The following FHIT variants were observed in gnomAD, a reference collection of about 807,000 sequenced individuals.
The protein encoded by FHIT is bis(5'-adenosyl)-triphosphatase.
A neutral mutation model predicts 17.9 loss-of-function variants in FHIT; 19 were observed. That is an observed-to-expected ratio of 1.06 (90% CI 0.74 to 1.56). FHIT has a LOEUF of 1.56. Among genes scored for constraint, FHIT ranks in the 40% most tolerant of loss-of-function variants. The pLI is 0.00. For missense variants in FHIT, 248 were observed against 189.2 expected (o/e 1.31, Z -1.82); for synonymous variants, 81 against 69.7 (o/e 1.16, Z -0.81).
rs1559511994 is a variant in FHIT, at chr3:59,974,802, C to CG, written c.279+36568dup. Among the ~76,000 whole-genome samples the CG allele has an allele frequency of 2.0e-5, 3 of 152,110 alleles. No homozygotes were observed. The South Asian group carries it at 6.2e-4, about 32-fold the overall frequency. On this transcript the variant is annotated intron_variant, in intron 7 of 9. Coordinates refer to ENST00000492590, the MANE Select transcript of FHIT (RefSeq NM_002012.4). The stretch of plus-strand genomic sequence containing the variant: ...AAGCTACCTAATATTCTAAGGTTGT[C>CG]GGGGGAGATATGGAAATTGAGTCTA...
chr3:61,136,499 T>A (rs2036920163), intron 2 of FHIT, among the ~76,000 whole-genome samples: 1 of 152,156 alleles, frequency 6.6e-6, no homozygotes, highest in African/African-American at 2.4e-5. Flanking sequence ...AATGTGGCTA[T>A]GTTTTAGTCA....
intron 7 of FHIT, among the ~76,000 whole-genome samples, chr3:59,994,003 A>T (rs1233953014): frequency 6.6e-6 from 1 of 152,020 alleles, no homozygotes; most frequent in Non-Finnish European, 1.5e-5. Flanking sequence ...AACTCTTACT[A>T]TTCTCATAAC....
At chr3:60,441,038 C>G (rs532605079) in intron 5 of FHIT, among the ~76,000 whole-genome samples, 2 of 152,052 alleles carry the variant, frequency 1.3e-5, no homozygotes, top group African/African-American at 4.8e-5. Context: ...CATGTTCACC[C>G]CTTTTGTTTT....
intron 5 of FHIT, among the ~76,000 whole-genome samples, chr3:60,015,055 T>C (rs1192378889): frequency 6.6e-6 from 1 of 151,454 alleles, no homozygotes; most frequent in East Asian, 1.9e-4. Flanking sequence ...ATTTGTTTAG[T>C]TTTTAGATAC....
intron 8 of FHIT, among the ~76,000 whole-genome samples, chr3:59,886,640 C>CA (rs1575643992): frequency 6.6e-6 from 1 of 152,092 alleles, no homozygotes; most frequent in East Asian, 1.9e-4. Context: ...TGGGAACTAA[C>CA]AGAGTAGGGA....
intron 3 of FHIT, among the ~76,000 whole-genome samples, chr3:60,987,984 T>C (rs578146541): frequency 6.6e-6 from 1 of 152,232 alleles, no homozygotes; most frequent in Non-Finnish European, 1.5e-5. Context: ...ATCTTTACTA[T>C]GACGCTTATT....
chr3:60,109,155 T>C (rs1318602310), intron 5 of FHIT, among the ~76,000 whole-genome samples: 3 of 151,454 alleles, frequency 2.0e-5, no homozygotes, highest in African/African-American at 4.9e-5. Flanking sequence ...GAGAGAGAGA[T>C]TACAGTGATA....
chr3:60,737,490 A>C (rs1264815487), intron 4 of FHIT, among the ~76,000 whole-genome samples: 1 of 152,240 alleles, frequency 6.6e-6, no homozygotes, highest in Admixed American at 6.5e-5. Flanking sequence ...AAGATAGTCT[A>C]AACAGAAAGC....
chr3:60,294,309 T>C (rs1368546018), intron 5 of FHIT, among the ~76,000 whole-genome samples: 2 of 152,134 alleles, frequency 1.3e-5, no homozygotes, highest in African/African-American at 2.4e-5. Flanking sequence ...ATGCATTTGA[T>C]GCACTGAAAC....
chr3:60,430,306 G>T (rs925412478), intron 5 of FHIT, among the ~76,000 whole-genome samples: 3 of 151,992 alleles, frequency 2.0e-5, no homozygotes, highest in African/African-American at 7.3e-5. Context: ...CTAAAACACA[G>T]TAGCCATTTT....
chr3:61,183,894 T>C (rs1490952928), intron 2 of FHIT, among the ~76,000 whole-genome samples: 1 of 151,940 alleles, frequency 6.6e-6, no homozygotes, highest in Non-Finnish European at 1.5e-5. Context: ...TGGGCAACTG[T>C]TGTTCATAAA....
At chr3:59,931,958 T>G (rs1705993012) in intron 7 of FHIT, among the ~76,000 whole-genome samples, 1 of 143,078 alleles carries the variant, frequency 7.0e-6, no homozygotes, top group Non-Finnish European at 1.5e-5. Flanking sequence ...TTTTCAAAAA[T>G]TAAGATCTTT....
At chr3:60,936,247 G>GA (rs1373599034) in intron 3 of FHIT, among the ~76,000 whole-genome samples, 1 of 152,136 alleles carries the variant, frequency 6.6e-6, no homozygotes, top group Non-Finnish European at 1.5e-5. Flanking sequence ...TATTAACTAA[G>GA]AAAGAGCTCC....
At chr3:60,487,143 G>C (rs376575878) in intron 5 of FHIT, among the ~76,000 whole-genome samples, 2 of 152,236 alleles carry the variant, frequency 1.3e-5, no homozygotes, top group South Asian at 2.1e-4. Context: ...TGACTTGATC[G>C]CAAGAACCTG....
At chr3:60,015,189 T>C (rs1700296002) in intron 5 of FHIT, among the ~76,000 whole-genome samples, 1 of 152,138 alleles carries the variant, frequency 6.6e-6, no homozygotes, top group African/African-American at 2.4e-5. Context: ...CTGCAATTGC[T>C]AGTCTCACTA....
intron 5 of FHIT, among the ~76,000 whole-genome samples, chr3:60,040,738 G>A (rs144275103): frequency 4.7e-4 from 71 of 152,282 alleles, no homozygotes; most frequent in African/African-American, 1.6e-3. Context: ...GAACTAGAAG[G>A]AGAGACTGGG....
chr3:60,038,911 A>G (rs1237297405), intron 5 of FHIT, among the ~76,000 whole-genome samples: 1 of 152,156 alleles, frequency 6.6e-6, no homozygotes, highest in African/African-American at 2.4e-5. Context: ...CCCTAAAACT[A>G]AGTGACTTAA....
chr3:60,873,204 T>C (rs979109897), intron 3 of FHIT, among the ~76,000 whole-genome samples: 2 of 151,840 alleles, frequency 1.3e-5, no homozygotes, highest in African/African-American at 4.8e-5. Flanking sequence ...AAACCTGCAA[T>C]GCAGAACCAA....
intron 4 of FHIT, among the ~76,000 whole-genome samples, chr3:60,650,593 C>A (rs1363139024): frequency 2.0e-5 from 3 of 152,166 alleles, no homozygotes; most frequent in Admixed American, 6.5e-5. Context: ...GGCAGGAAAT[C>A]TAACATAATG....
Sources: allele counts gnomAD v4.1 joint callset (sites outside exome capture counted in the v4.1 genomes callset), GRCh38; gene constraint gnomAD v4.1.1; transcripts MANE v1.5; gene names NCBI Gene and HGNC (gene_info 2026-07-23, HGNC 2026-07-21).